Variants in OPA1 observed in about 807,000 individuals in gnomAD.
OPA1 encodes OPA1 mitochondrial dynamin like GTPase.
A neutral mutation model predicts 152.9 loss-of-function variants in OPA1; 59 were observed. The observed-to-expected ratio is 0.39, with a 90% confidence interval of 0.31 to 0.48. OPA1 has a LOEUF of 0.48. Among genes scored for constraint, OPA1 ranks in the 20% least tolerant of loss-of-function variants. OPA1 has a pLI of 0.96. For synonymous variants in OPA1, 400 were observed against 389.9 expected, an observed-to-expected ratio of 1.03 and a Z score of -0.31; for missense variants, 1,008 against 1,216.8, an observed-to-expected ratio of 0.83 and a Z score of 2.55.
At chr3:193,632,278 G>A (rs191277201) in intron 8 of OPA1, among the ~76,000 whole-genome samples, 3 of 152,104 alleles carry the variant, frequency 2.0e-5, no homozygotes, top group African/African-American at 4.8e-5. Flanking sequence ...TCAGGAGATC[G>A]AGACCATCCT....
intron 18 of OPA1, 53 bp downstream of exon 18, chr3:193,645,853 A>T (rs1031550759): frequency 3.0e-6 from 4 of 1,354,442 alleles, no homozygotes; most frequent in Admixed American, 1.7e-5. Flanking sequence ...AGTAGCTTAA[A>T]TTGAACTGTT....
At chr3:193,603,701 A>C (rs1340567173) in intron 1 of OPA1, 1 of 152,256 alleles carries the variant, frequency 6.6e-6, no homozygotes, top group Non-Finnish European at 1.5e-5. Context: ...GGTTGGGCTG[A>C]CTTGACTTGA....
At chr3:193,612,050 G>C (rs1328428728) in intron 1 of OPA1, among the ~76,000 whole-genome samples, 1 of 152,094 alleles carries the variant, frequency 6.6e-6, no homozygotes, top group East Asian at 1.9e-4. Flanking sequence ...CCAGCCCCCA[G>C]TATCATATGA....
At chr3:193,604,612 G>A (rs906538631) in intron 1 of OPA1, among the ~76,000 whole-genome samples, 5 of 152,164 alleles carry the variant, frequency 3.3e-5, no homozygotes, top group Non-Finnish European at 5.9e-5. Context: ...TGTAATCCCA[G>A]CACTTTGGGA....
At chr3:193,614,515 A>G (rs1329699455) in intron 1 of OPA1, among the ~76,000 whole-genome samples, 2 of 152,182 alleles carry the variant, frequency 1.3e-5, no homozygotes, top group South Asian at 2.1e-4. Flanking sequence ...TACTTTCTAC[A>G]TGGGATTGTT....
chr3:193,619,734 T>C (rs1729698185), intron 6 of OPA1: 1 of 152,202 alleles, frequency 6.6e-6, no homozygotes, highest in Non-Finnish European at 1.5e-5. Context: ...GTTTTAACAT[T>C]CATGTAATAT....
chr3:193,663,046 T>C, intron 26 of OPA1, 84 bp downstream of exon 26: 1 of 1,381,434 alleles, frequency 7.2e-7, no homozygotes, highest in South Asian at 1.2e-5. Context: ...GTTAGTTAGA[T>C]ATTTAAGTGC....
rs1712537545 is a variant in OPA1 at position 193,651,825 on chromosome 3, A to G, written c.2012+2954A>G. ...AACCATAAATAGTGGTTATCTTATA[A>G]AAGAGGAACTATGGGGTACTTCTTA... On this transcript the variant is annotated intron_variant, in intron 21 of 30. Transcript: ENST00000361510. 2.0e-5 allele frequency among the ~76,000 whole-genome samples: 3 copies of G among 152,110 alleles called. No individual in the cohort carries two copies. The South Asian group carries it at 6.2e-4, about 32-fold the overall frequency.
At chr3:193,599,400 C>CTT (rs199759463) in intron 1 of OPA1, among the ~76,000 whole-genome samples, 10 of 141,762 alleles carry the variant, frequency 7.1e-5, no homozygotes, top group African/African-American at 2.6e-4. Context: ...CTTTTTTATT[C>CTT]TTTTTTTTTT....
At chr3:193,665,872 A>AT (rs1311004964) in intron 27 of OPA1, among the ~76,000 whole-genome samples, 4 of 152,122 alleles carry the variant, frequency 2.6e-5, no homozygotes, top group African/African-American at 7.2e-5. Context: ...ACATCACTTT[A>AT]TTTTCACACA....
intron 7 of OPA1, 41 bp downstream of exon 7, chr3:193,626,243 A>G (rs1384689604): frequency 4.3e-6 from 6 of 1,388,530 alleles, no homozygotes; most frequent in Non-Finnish European, 6.2e-6. Context: ...CATTCACACT[A>G]ATCAGCCATT....
intron 25 of OPA1, among the ~76,000 whole-genome samples, chr3:193,661,771 G>T (rs747787839): frequency 6.6e-6 from 1 of 152,176 alleles, no homozygotes; most frequent in African/African-American, 2.4e-5. Context: ...TGGGTAGAAA[G>T]GGGGAAGTAA....
chr3:193,659,231 A>C (rs1373857170), intron 24 of OPA1, among the ~76,000 whole-genome samples: 2 of 152,240 alleles, frequency 1.3e-5, no homozygotes, highest in Non-Finnish European at 2.9e-5. Flanking sequence ...TATAATGCAG[A>C]ATATTTTAGT....
intron 28 of OPA1, 141 bp from the exon 29 acceptor site, chr3:193,667,029 G>T (rs1716718852): frequency 1.6e-6 from 1 of 621,440 alleles, no homozygotes; most frequent in Non-Finnish European, 2.9e-6. Context: ...GTATAACAGA[G>T]ATTTTCTATG....
intron 29 of OPA1, among the ~76,000 whole-genome samples, chr3:193,675,978 A>AGCAGCTT (rs1482046278): frequency 6.6e-6 from 1 of 152,192 alleles, no homozygotes; most frequent in African/African-American, 2.4e-5. Flanking sequence ...TCTCTTGTAG[A>AGCAGCTT]GCAGCTTGCC....
rs1044154261 is a variant in OPA1 at position 193,680,245 on chromosome 3, T to G, written c.2984-11818T>G. Among the ~76,000 whole-genome samples, 3 of 152,218 alleles carry G rather than the reference T, an allele frequency of 2.0e-5. No homozygotes were observed. In the East Asian group the frequency reaches 5.8e-4, roughly 29 times the overall value. ...TAAAATTACAGTGATGAACTGACTG[T>G]TTAAGAATCATTCTCATGATTCATT... On this transcript the variant is annotated intron_variant, in intron 29 of 30. Coordinates refer to ENST00000361510, the MANE Select transcript of OPA1 (RefSeq NM_130837.3).
chr3:193,649,811 A>G (rs569060939), intron 21 of OPA1, among the ~76,000 whole-genome samples: 115 of 152,164 alleles, frequency 7.6e-4, no homozygotes, highest in Non-Finnish European at 1.4e-3. Flanking sequence ...AAAGAGATCT[A>G]ATTGTATCTA....
chr3:193,620,729 A>G (rs1444178536), intron 6 of OPA1, among the ~76,000 whole-genome samples: 1 of 152,200 alleles, frequency 6.6e-6, no homozygotes, highest in Admixed American at 6.5e-5. Context: ...AAAATTTACT[A>G]TCCAAAAATG....
intron 13 of OPA1, 99 bp downstream of exon 13, chr3:193,643,148 A>G (rs1734030606): frequency 2.0e-6 from 2 of 1,021,532 alleles, no homozygotes; most frequent in Non-Finnish European, 3.0e-6. Context: ...GATTGCTGCT[A>G]TCTAGATATG....
Sources: allele counts gnomAD v4.1 joint callset (sites outside exome capture counted in the v4.1 genomes callset), GRCh38; gene constraint gnomAD v4.1.1; transcripts MANE v1.5; gene names NCBI Gene and HGNC (gene_info 2026-07-23, HGNC 2026-07-21).